ASAP2: variants seen among roughly 807,000 people sequenced by gnomAD.
The protein encoded by ASAP2 is arf-GAP with SH3 domain, ANK repeat and PH domain-containing protein 2.
A neutral mutation model predicts 131.4 loss-of-function variants in ASAP2; 45 were observed. That is an observed-to-expected ratio of 0.34 (90% CI 0.27 to 0.44). The LOEUF is 0.44. ASAP2 is among the 20% of genes least tolerant of loss of function. The pLI, the probability that ASAP2 is intolerant of heterozygous loss-of-function variation, is 1.00. For missense variants in ASAP2, 1,011 were observed against 1,297.0 expected, an observed-to-expected ratio of 0.78 and a Z score of 3.39; for synonymous variants, 510 against 503.0, an observed-to-expected ratio of 1.01 and a Z score of -0.19.
intron 5 of ASAP2, among the ~76,000 whole-genome samples, chr2:9,321,579 G>A (rs1670151740): frequency 6.6e-6 from 1 of 152,120 alleles, no homozygotes; most frequent in South Asian, 2.1e-4. Flanking sequence ...CAGCCAGTAA[G>A]AGTAATTGAG....
chr2:9,299,299 AT>A (rs970300624), intron 3 of ASAP2, among the ~76,000 whole-genome samples: 13 of 152,140 alleles, frequency 8.5e-5, no homozygotes, highest in African/African-American at 3.1e-4. Context: ...CAGAATCAGA[AT>A]GGTGGTGAAC....
At chr2:9,393,451 C>T in intron 23 of ASAP2, 31 bp from the exon 24 acceptor site, 1 of 1,568,168 alleles carries the variant, frequency 6.4e-7, no homozygotes, top group Non-Finnish European at 8.7e-7. Flanking sequence ...TGGCGGCTGA[C>T]CCTCTGCACG....
rs188544865 is a variant in ASAP2, at chr2:9,396,881, A to G, written c.2685-3142A>G. ...GCCGGGCATGATGGCACACACCTGT[A>G]ATCCCAGCTACTCGGGAGGCAGAGG... On this transcript the variant is annotated intron_variant, in intron 24 of 27. Coordinates refer to ENST00000281419, the MANE Select transcript of ASAP2 (RefSeq NM_003887.3). 3.3e-5 allele frequency among the ~76,000 whole-genome samples: 5 copies of G among 152,326 alleles called. No individual in the cohort carries two copies. In the East Asian group the frequency reaches 9.6e-4, roughly 29 times the overall value.
rs192337156 is a variant in ASAP2 at position 9,253,495 on chromosome 2, G to T, written c.127-25822G>T. ...CACGTTTTAAATGTGCAGTTTAGTG[G>T]GTTTTGTGAAATCGTCTAAGCACCC... On this transcript the variant is annotated intron_variant, in intron 1 of 27. Transcript: ENST00000281419. Among the ~76,000 whole-genome samples, 20 of 152,246 alleles carry T rather than the reference G, an allele frequency of 1.3e-4. No homozygotes were observed. In the East Asian group the frequency reaches 3.7e-3, roughly 28 times the overall value.
intron 5 of ASAP2, among the ~76,000 whole-genome samples, chr2:9,321,031 A>C (rs1383529457): frequency 2.0e-5 from 3 of 152,126 alleles, no homozygotes; most frequent in Non-Finnish European, 4.4e-5. Flanking sequence ...TTATGGGGGG[A>C]ATAATGGCTT....
chr2:9,227,809 C>G (rs374280719), intron 1 of ASAP2, among the ~76,000 whole-genome samples: 9 of 152,306 alleles, frequency 5.9e-5, no homozygotes, highest in African/African-American at 2.2e-4. Context: ...CTTCTTTGAC[C>G]AGCCTCTTCA....
chr2:9,381,978 A>ATCTTTTTT, intron 20 of ASAP2, among the ~76,000 whole-genome samples: 1 of 142,910 alleles, frequency 7.0e-6, no homozygotes, highest in South Asian at 2.2e-4. Flanking sequence ...AGCTCATTTA[A>ATCTTTTTT]TCTTTTTTTT....
At chr2:9,362,062 T>C (rs553524520) in intron 15 of ASAP2, among the ~76,000 whole-genome samples, 3 of 151,894 alleles carry the variant, frequency 2.0e-5, no homozygotes, top group South Asian at 2.1e-4. Flanking sequence ...GTATTAGTTA[T>C]CATTGTTATC....
intron 15 of ASAP2, among the ~76,000 whole-genome samples, chr2:9,367,214 G>A (rs905434594): frequency 2.6e-5 from 4 of 151,618 alleles, no homozygotes; most frequent in African/African-American, 9.7e-5. Context: ...TTGTATTTTA[G>A]TAGAGATGGG....
At chr2:9,246,422 AGCTACAGGTGTGC>A (rs555832901) in intron 1 of ASAP2, among the ~76,000 whole-genome samples, 152 of 151,856 alleles carry the variant, frequency 1.0e-3, no homozygotes, top group African/African-American at 3.6e-3. Flanking sequence ...AAGTAGCTGG[AGCTACAGGTGTGC>A]GCTAACATGC....
intron 1 of ASAP2, among the ~76,000 whole-genome samples, chr2:9,231,747 T>C (rs959051366): frequency 3.9e-5 from 6 of 152,216 alleles, no homozygotes; most frequent in African/African-American, 1.4e-4. Flanking sequence ...CCTTGTGCCA[T>C]GCCTTCCTTT....
At chr2:9,303,236 G>T (rs1668608302) in intron 3 of ASAP2, among the ~76,000 whole-genome samples, 1 of 152,198 alleles carries the variant, frequency 6.6e-6, no homozygotes, top group African/African-American at 2.4e-5. Context: ...CTGAAATCTA[G>T]AGACATCCCC....
At chr2:9,351,955 C>T (rs1187687579) in intron 12 of ASAP2, among the ~76,000 whole-genome samples, 1 of 152,134 alleles carries the variant, frequency 6.6e-6, no homozygotes, top group East Asian at 1.9e-4. Context: ...TGGACTTTAT[C>T]CTGTGTCAAA....
At chr2:9,225,725 G>T (rs995726931) in intron 1 of ASAP2, among the ~76,000 whole-genome samples, 1 of 152,166 alleles carries the variant, frequency 6.6e-6, no homozygotes, top group African/African-American at 2.4e-5. Context: ...TTAGGGGCAG[G>T]GAGACCAATA....
At chr2:9,211,295 A>G (rs890144078) in intron 1 of ASAP2, among the ~76,000 whole-genome samples, 12 of 152,242 alleles carry the variant, frequency 7.9e-5, no homozygotes, top group African/African-American at 2.9e-4. Flanking sequence ...CTGGTGCTGC[A>G]ACCAGAGTCT....
At chr2:9,252,303 G>T (rs1323702393) in intron 1 of ASAP2, among the ~76,000 whole-genome samples, 1 of 152,252 alleles carries the variant, frequency 6.6e-6, no homozygotes, top group Admixed American at 6.5e-5. Context: ...CTTTGGGGCT[G>T]TGCGCAGTGG....
At chr2:9,348,757 A>G (rs16866999) in intron 11 of ASAP2, among the ~76,000 whole-genome samples, 1,870 of 152,328 alleles carry the variant, frequency 0.012, 37 homozygotes, top group African/African-American at 0.043. Flanking sequence ...TATCTTTGAT[A>G]GTAGTTAAGA....
chr2:9,381,771 C>G (rs1674866259), intron 20 of ASAP2, among the ~76,000 whole-genome samples: 1 of 151,974 alleles, frequency 6.6e-6, no homozygotes, highest in Non-Finnish European at 1.5e-5. Flanking sequence ...GGTGTGGTGG[C>G]ACGCACCTGC....
intron 1 of ASAP2, among the ~76,000 whole-genome samples, chr2:9,221,675 A>G (rs1281797841): frequency 6.6e-6 from 1 of 152,056 alleles, no homozygotes; most frequent in Non-Finnish European, 1.5e-5. Flanking sequence ...GAATTTGTTT[A>G]TTGGCTTTTA....
Sources: allele counts gnomAD v4.1 joint callset (sites outside exome capture counted in the v4.1 genomes callset), GRCh38; gene constraint gnomAD v4.1.1; transcripts MANE v1.5; gene names NCBI Gene and HGNC (gene_info 2026-07-23, HGNC 2026-07-21).